BCAN: variants seen among roughly 807,000 people sequenced by gnomAD.
BCAN encodes the protein brevican core protein.
A neutral mutation model predicts 92.4 loss-of-function variants in BCAN; 51 were observed. The ratio of observed to expected loss-of-function variants is 0.55; its 90% CI spans 0.44 to 0.70. The LOEUF is 0.70. BCAN is among the 30% of genes least tolerant of loss of function. BCAN has a pLI of 0.00. For missense variants in BCAN, 1,140 were observed against 1,212.1 expected (o/e 0.94, Z 0.88); for synonymous variants, 501 against 505.2 (o/e 0.99, Z 0.11).
chr1:156,653,390 A>G (rs1340494208), intron 8 of BCAN: 5 of 1,007,770 alleles, frequency 5.0e-6, no homozygotes, highest in Non-Finnish European at 5.9e-6. Flanking sequence ...GCCTTAAGCA[A>G]CTACTTCTGT....
rs201730433 is a variant in BCAN, at chr1:156,658,571, C to G, written c.2466C>G (p.Pro822=). 679 of 1,613,956 alleles carry G rather than the reference C, an allele frequency of 4.2e-4. No individual in the cohort carries two copies. The highest frequency in any genetic ancestry group is 8.3e-4 in the Middle Eastern group (5 of 6,058). Residue 822 remains proline, a synonymous_variant, in exon 13 of 14, where the codon CCC becomes CCG. Transcript: ENST00000329117. This position sits in a 1 kb window ranked among gnomAD's most constrained non-coding sequence, Gnocchi z 4.4. The part of the protein sequence containing the change: ...LVSCGPPPEL[P]LAQVFGRPRL... The stretch of plus-strand genomic sequence containing the variant: ...CCTGTGGGCCGCCACCGGAGCTGCC[C>G]CTGGCTCAAGTGTTCGGCCGCCCAC...
At position 156,652,457 on chromosome 1, in the gene BCAN, G is replaced by A. The variant is rs1447060991; in HGVS notation, c.1507G>A (p.Glu503Lys). 1 of 1,604,402 alleles carries A rather than the reference G, an allele frequency of 6.2e-7. No homozygotes were observed. The highest frequency in any genetic ancestry group is 8.5e-7 in the Non-Finnish European group (1 of 1,175,146). Residue 503 changes from glutamate (E) to lysine (K), a missense_variant, in exon 8 of 14, where the codon GAG becomes AAG. Glu to Lys is a moderately conservative substitution (Grantham distance 56). Transcript: ENST00000329117. ...TCTCCCCACTGAGCCAGCAGCCCAG[G>A]AGGAGTCACTCTCCCAGGCGCCAGC... The part of the protein sequence containing the change: ...ASLPTEPAAQ[E>K]ESLSQAPARA...
At chr1:156,652,181 T>A in intron 7 of BCAN, 67 bp from the exon 8 acceptor site, 1 of 1,522,350 alleles carries the variant, frequency 6.6e-7, no homozygotes, top group Non-Finnish European at 8.8e-7. Context: ...TTTCTCCCCT[T>A]CCCTTTTTCC....
In BCAN at chr1:156,651,596, C is replaced by T. The variant is rs369041752; in HGVS notation, c.1204C>T (p.Arg402Cys). 2.6e-5 allele frequency: 42 copies of T among 1,613,776 alleles called. No homozygotes were observed. Among genetic ancestry groups the T allele is most frequent in the East Asian group, 6.7e-5 (3 of 44,892 alleles). Reference sequence around the variant, plus strand: ...TCAGGAAGCCACAGAGAGTGAATCCCGTGGGGCCATCTACTCCATCCCCAT... The same window carrying T: ...TCAGGAAGCCACAGAGAGTGAATCCTGTGGGGCCATCTACTCCATCCCCAT... ...LPQEATESES[R>C]GAIYSIPIME... Residue 402 changes from arginine (R) to cysteine (C), a missense_variant, in exon 7 of 14, where the codon CGT (arginine) becomes TGT (cysteine). This residue lies in a region of BCAN where 825 missense variants were observed against 871.8 expected (regional missense o/e 0.95). Transcript: ENST00000329117.
At chr1:156,655,670 A>G (rs546752470) in intron 8 of BCAN, among the ~76,000 whole-genome samples, 93 of 152,300 alleles carry the variant, frequency 6.1e-4, no homozygotes, top group Non-Finnish European at 1.2e-3. Context: ...GGACTGGCTG[A>G]CTGCCCAGTG....
rs1678815637 is a variant in BCAN, at chr1:156,642,397, G to T, written c.-9+122G>T. ...CTCGAGGCTCTGGGGCACCCAACTC[G>T]TCGACTCCTGACACCGCAGCGGGGT... is the stretch of plus-strand genomic sequence containing the variant. On this transcript the variant is annotated intron_variant, in intron 1 of 13. Coordinates refer to ENST00000329117, the MANE Select transcript of BCAN (RefSeq NM_021948.5). The surrounding 1 kb of genome is among the most constrained non-coding windows in gnomAD (Gnocchi z 4.2). The T allele has an allele frequency of 6.6e-6, 1 of 152,450 alleles. No individual in the cohort carries two copies. Among genetic ancestry groups the T allele is most frequent in the Non-Finnish European group, 1.5e-5 (1 of 68,266 alleles). 9.4% of individuals were successfully genotyped at this position (152,450 alleles called of 1,614,324 possible).
chr1:156,658,578 CAA>C lies in BCAN; in HGVS notation c.2474_2475del (p.Gln825ArgfsTer10). On this transcript the variant is annotated frameshift_variant, in exon 13 of 14. Transcript: ENST00000329117. LOFTEE classifies it high-confidence loss of function. This position sits in a 1 kb window ranked among gnomAD's most constrained non-coding sequence, Gnocchi z 4.4. Reference protein sequence around the residue: ...CGPPPELPLAQVFGRPRLRYE... With the variant: ...CGPPPELPLAXVFGRPRLRYE... ...GCCGCCACCGGAGCTGCCCCTGGCT[CAA>C]GTGTTCGGCCGCCCACGGCTGCGCT... 1 of 1,614,010 alleles carries C rather than the reference CAA, an allele frequency of 6.2e-7. No individual in the cohort carries two copies. Among genetic ancestry groups the C allele is most frequent in the South Asian group, 1.1e-5 (1 of 91,076 alleles).
At chr1:156,649,528 G>A (rs554167893) in intron 6 of BCAN, among the ~76,000 whole-genome samples, 24 of 152,224 alleles carry the variant, frequency 1.6e-4, no homozygotes, top group African/African-American at 3.9e-4. Context: ...TTCAACCTCC[G>A]GAGTAGGTGG....
intron 1 of BCAN, chr1:156,643,634 A>AGAG: frequency 3.9e-5 from 1 of 25,512 alleles, no homozygotes. Flanking sequence ...ACACACACAC[A>AGAG]CAGAGAGAGA....
chr1:156,646,395 G>A, intron 2 of BCAN: 2 of 510,936 alleles, frequency 3.9e-6, no homozygotes, highest in Non-Finnish European at 6.9e-6. Context: ...CCTGAAGCTA[G>A]GAGGTGGGAA....
At chr1:156,649,850 T>C in intron 6 of BCAN, 2 of 518,524 alleles carry the variant, frequency 3.9e-6, no homozygotes, top group South Asian at 2.8e-5. Context: ...CCTGAAATAC[T>C]GTTACAAGAG....
Position 156,658,738 on chromosome 1 carries a change from G to T in BCAN, c.2628+5G>T, listed in dbSNP as rs1466153270. The T allele has an allele frequency of 2.7e-5, 44 of 1,613,776 alleles. No individual in the cohort carries two copies. The highest frequency in any genetic ancestry group is 3.6e-5 in the Non-Finnish European group (43 of 1,180,012). ...TCCTGTGTGCCCAGAAGACCTGTGA[G>T]TGCCAGGAAGAGGCAGGTGGGAGTG... is the stretch of plus-strand genomic sequence containing the variant. On this transcript the variant is annotated splice_donor_5th_base_variant and intron_variant, in intron 13 of 13. Coordinates refer to ENST00000329117, the MANE Select transcript of BCAN (RefSeq NM_021948.5). The surrounding 1 kb of genome is among the most constrained non-coding windows in gnomAD (Gnocchi z 4.4).
chr1:156,646,254 C>G, intron 2 of BCAN, 109 bp downstream of exon 2: 4 of 1,040,396 alleles, frequency 3.8e-6, no homozygotes, highest in Non-Finnish European at 5.6e-6. Flanking sequence ...TGTGGGGAAG[C>G]GTCCAGGCTG....
Position 156,647,966 on chromosome 1 carries a change from C to T in BCAN, c.642-17C>T. 1 of 1,612,148 alleles carries T rather than the reference C, an allele frequency of 6.2e-7. No homozygotes were observed. Among genetic ancestry groups the T allele is most frequent in the Non-Finnish European group, 8.5e-7 (1 of 1,178,374 alleles). On this transcript the variant is annotated splice_polypyrimidine_tract_variant and intron_variant, in intron 4 of 13. Coordinates refer to ENST00000329117, the MANE Select transcript of BCAN (RefSeq NM_021948.5). This position sits in a 1 kb window ranked among gnomAD's most constrained non-coding sequence, Gnocchi z 4.8. ...GTGAAAGCATCTGTACTAAGTGATT[C>T]TGTCCTTCCTCCCTAGGTATCCCAT...
rs1351001348 is a variant in BCAN at position 156,652,523 on chromosome 1, G to A, written c.1573G>A (p.Gly525Arg). 1.9e-6 allele frequency: 3 copies of A among 1,612,514 alleles called. No individual in the cohort carries two copies. Among genetic ancestry groups the A allele is most frequent in the Admixed American group, 1.7e-5 (1 of 59,718 alleles). The change falls in exon 8 of 14, where the codon GGA becomes AGA. Residue 525 changes from glycine (G) to arginine (R), a missense_variant. Around this residue, in one of 3 missense-constraint regions of BCAN, gnomAD observed 825 missense variants for 871.8 expected, o/e 0.95. Transcript: ENST00000329117. Reference protein sequence around the residue: ...LQPGASPLPDGESEASRPPRV... With the variant: ...LQPGASPLPDRESEASRPPRV... ...GCCTGGTGCATCACCACTTCCTGAT[G>A]GAGAGTCAGAAGCTTCCAGGCCTCC...
chr1:156,648,171 C>T (rs1277762531), intron 5 of BCAN, 61 bp downstream of exon 5: 4 of 1,586,924 alleles, frequency 2.5e-6, no homozygotes, highest in African/African-American at 2.7e-5. Context: ...CCCATAGGTC[C>T]TCCCGGGGCC....
intron 8 of BCAN, among the ~76,000 whole-genome samples, chr1:156,654,560 AGAG>A (rs1423397063): frequency 6.6e-6 from 1 of 152,192 alleles, no homozygotes; most frequent in African/African-American, 2.4e-5. Context: ...GACAAGAAGA[AGAG>A]TTCTTCACCC....
intron 9 of BCAN, 40 bp downstream of exon 9, chr1:156,656,429 C>G: frequency 7.7e-7 from 1 of 1,305,390 alleles, no homozygotes; most frequent in South Asian, 2.8e-5. Context: ...GAAGCCTGGA[C>G]CCTGCCACAA....
At chr1:156,653,552 G>A in intron 8 of BCAN, 1 of 984,166 alleles carries the variant, frequency 1.0e-6, no homozygotes, top group South Asian at 4.7e-5. Context: ...GCACTTGGAT[G>A]CTTCTTCTCT....
Sources: allele counts gnomAD v4.1 joint callset (sites outside exome capture counted in the v4.1 genomes callset), GRCh38; gene constraint gnomAD v4.1.1; regional missense constraint gnomAD v4.1.1; non-coding constraint Gnocchi (gnomAD v3.1); transcripts MANE v1.5; gene names NCBI Gene and HGNC (gene_info 2026-07-23, HGNC 2026-07-21).